Variants in KLF17 observed in about 807,000 individuals in gnomAD.
The protein encoded by KLF17 is Krueppel-like factor 17.
Under a neutral mutation model 34.2 loss-of-function variants are expected in KLF17, and 31 were observed. The ratio of observed to expected loss-of-function variants is 0.91; its 90% confidence interval spans 0.68 to 1.22. The LOEUF is 1.22. Ranked by LOEUF, KLF17 falls within the 50% of genes most tolerant of loss-of-function variation. The pLI, the probability that KLF17 is intolerant of heterozygous loss-of-function variation, is 0.00. For synonymous variants in KLF17, 179 were observed against 186.7 expected, an observed-to-expected ratio of 0.96 and a Z score of 0.34; for missense variants, 478 against 505.2, an observed-to-expected ratio of 0.95 and a Z score of 0.52.
At chr1:44,127,359 G>T (rs1309948624) in intron 1 of KLF17, among the ~76,000 whole-genome samples, 36 of 152,222 alleles carry the variant, frequency 2.4e-4, no homozygotes, top group African/African-American at 7.9e-4. Flanking sequence ...CCCGTCCAGT[G>T]TCCCTTTCTT....
the KLF17 span, among the ~76,000 whole-genome samples, chr1:44,086,670 A>G: frequency 6.6e-6 from 1 of 152,194 alleles, no homozygotes; most frequent in African/African-American, 2.4e-5. Context: ...TAACAACAGT[A>G]TAGGAGAGTT....
At chr1:44,079,926 C>CTT in the KLF17 span, among the ~76,000 whole-genome samples, 9 of 144,674 alleles carry the variant, frequency 6.2e-5, no homozygotes, top group Admixed American at 6.9e-5. Context: ...CCCTCCATGT[C>CTT]TTTTTTTTTT....
the KLF17 span, among the ~76,000 whole-genome samples, chr1:44,066,966 A>T: frequency 2.0e-3 from 298 of 152,296 alleles, 2 homozygotes; most frequent in African/African-American, 7.0e-3. Flanking sequence ...ACAATATTTC[A>T]TTTAGGCATC....
In KLF17 at chr1:44,126,334, G is replaced by C. The variant is rs554421459; in HGVS notation, c.82-3019G>C. ...GCCACCGCACCCGGCCAAGGACAAG[G>C]TTTTTATTGCCCACTCTGGCTCCTG... On this transcript the variant is annotated intron_variant, in intron 1 of 3. Coordinates refer to ENST00000372299, the MANE Select transcript of KLF17 (RefSeq NM_173484.4). 6.6e-5 allele frequency among the ~76,000 whole-genome samples: 10 copies of C among 152,262 alleles called. No individual in the cohort carries two copies. In the South Asian group the frequency reaches 1.9e-3, roughly 28 times the overall value.
chr1:44,062,203 A>G, the KLF17 span, among the ~76,000 whole-genome samples: 3 of 152,256 alleles, frequency 2.0e-5, no homozygotes, highest in South Asian at 4.1e-4. Context: ...TGATGTTGTC[A>G]GTCTTTCTTT....
chr1:44,084,315 C>T, the KLF17 span, among the ~76,000 whole-genome samples: 2 of 152,136 alleles, frequency 1.3e-5, no homozygotes, highest in Middle Eastern at 3.4e-3. Context: ...TCCCTATAAT[C>T]GGATCTGAAA....
At chr1:44,112,629 A>G in the KLF17 span, among the ~76,000 whole-genome samples, 5 of 151,984 alleles carry the variant, frequency 3.3e-5, no homozygotes, top group African/African-American at 1.2e-4. Flanking sequence ...GCTGGTCTGG[A>G]GCTCCTGGGC....
At chr1:44,088,315 T>A in the KLF17 span, 3 of 152,042 alleles carry the variant, frequency 2.0e-5, no homozygotes, top group Admixed American at 2.0e-4. Flanking sequence ...TGGGGTTTTG[T>A]CATGTTGGCT....
chr1:44,075,135 A>ACACACG, the KLF17 span, among the ~76,000 whole-genome samples: 3 of 152,004 alleles, frequency 2.0e-5, no homozygotes, highest in South Asian at 6.2e-4. Context: ...ACACACACAC[A>ACACACG]CACACACATA....
At chr1:44,090,927 T>C in the KLF17 span, among the ~76,000 whole-genome samples, 16 of 103,954 alleles carry the variant, frequency 1.5e-4, no homozygotes, top group Non-Finnish European at 2.8e-4. Context: ...CACACACACA[T>C]GCACACGCAC....
chr1:44,111,394 T>G, the KLF17 span, among the ~76,000 whole-genome samples: 1 of 152,236 alleles, frequency 6.6e-6, no homozygotes, highest in South Asian at 2.1e-4. Context: ...CATAAACAAT[T>G]TCTACTATTT....
chr1:44,070,801 C>A, the KLF17 span, among the ~76,000 whole-genome samples: 1 of 151,794 alleles, frequency 6.6e-6, no homozygotes, highest in Non-Finnish European at 1.5e-5. Context: ...GACAACACAG[C>A]AAATAAGCAT....
the KLF17 span, among the ~76,000 whole-genome samples, chr1:44,068,071 C>T: frequency 6.6e-6 from 1 of 152,070 alleles, no homozygotes; most frequent in South Asian, 2.1e-4. Context: ...GTCACCCAGG[C>T]TGGAGTGCAG....
At chr1:44,100,298 T>C in the KLF17 span, among the ~76,000 whole-genome samples, 664 of 149,382 alleles carry the variant, frequency 4.4e-3, 4 homozygotes, top group African/African-American at 0.016. Flanking sequence ...GAAATGACAC[T>C]GGTGACCCAT....
Position 44,129,962 on chromosome 1 carries a change from C to A in KLF17, c.691C>A (p.Leu231Met). The A allele has an allele frequency of 6.2e-7, 1 of 1,614,168 alleles. No homozygotes were observed. Among genetic ancestry groups the A allele is most frequent in the African/African-American group, 1.3e-5 (1 of 75,042 alleles). ...GCCCCCAGCTGAGTCCCAGTCATTG[C>A]TGGTTTTAGGATCTCAGGACTCTCT... ...GMPPAESQSL[L>M]VLGSQDSLVS... Residue 231 changes from leucine (L) to methionine (M), a missense_variant, in exon 2 of 4, where the codon CTG becomes ATG. By Grantham distance (15) the Leu-to-Met change is conservative. Transcript: ENST00000372299.
At chr1:44,087,724 TTA>T in the KLF17 span, among the ~76,000 whole-genome samples, 667 of 75,380 alleles carry the variant, frequency 8.8e-3, 5 homozygotes, top group Admixed American at 0.01. Context: ...CCTATATATT[TTA>T]TATATATATA....
At chr1:44,107,439 C>T in the KLF17 span, among the ~76,000 whole-genome samples, 1 of 152,166 alleles carries the variant, frequency 6.6e-6, no homozygotes, top group Non-Finnish European at 1.5e-5. Context: ...AGTCCCTCCT[C>T]CTGTATCTGC....
the KLF17 span, among the ~76,000 whole-genome samples, chr1:44,090,604 G>C: frequency 0.082 from 12,455 of 152,084 alleles, 564 homozygotes; most frequent in Non-Finnish European, 0.097. Context: ...GTGTTAAAGA[G>C]AAAGTCCGCC....
chr1:44,122,040 T>C, intron 1 of KLF17: 1 of 724,794 alleles, frequency 1.4e-6, no homozygotes, highest in Non-Finnish European at 2.4e-6. Context: ...TGTCTTTTCC[T>C]TTTTTCATTT....
Sources: gnomAD v4.1 joint callset for allele counts (sites outside exome capture counted in the v4.1 genomes callset) on GRCh38, gnomAD v4.1.1 for gene constraint, MANE v1.5 for transcripts, NCBI Gene and HGNC (gene_info 2026-07-23, HGNC 2026-07-21) for gene names.